The following DNAH1 variants were observed in gnomAD, a reference collection of about 807,000 sequenced individuals.
The protein encoded by DNAH1 is dynein axonemal heavy chain 1, also known as axonemal beta dynein heavy chain 1.
Under a neutral mutation model 484.3 loss-of-function variants are expected in DNAH1, and 327 were observed. The ratio of observed to expected loss-of-function variants is 0.68; its 90% CI spans 0.62 to 0.74. The LOEUF is 0.74. DNAH1 is among the 30% of genes least tolerant of loss of function. DNAH1 has a pLI of 0.00. For synonymous variants in DNAH1, 2,192 were observed against 2,191.9 expected (o/e 1.00, Z 0.00); for missense variants, 5,052 against 5,546.8 (o/e 0.91, Z 2.83).
In DNAH1 at chr3:52,399,091, G is replaced by C. The variant is rs1559579292; in HGVS notation, c.12331G>C (p.Val4111Leu). ...CTGGATCCAAGATGGCATCCCAGCTGTCTTCTGGATCAGTGGATTCTTCTT... is the reference window on the plus strand; with the variant it reads ...CTGGATCCAAGATGGCATCCCAGCTCTCTTCTGGATCAGTGGATTCTTCTT... The part of the protein sequence containing the change: ...QAWIQDGIPA[V>L]FWISGFFFPQ... Residue 4111 changes from valine to leucine, a missense_variant, in exon 76 of 78, where the codon GTC becomes CTC. Transcript: ENST00000420323. 3.1e-6 allele frequency: 5 copies of C among 1,614,092 alleles called. No homozygotes were observed. The highest frequency in any genetic ancestry group is 4.2e-6 in the Non-Finnish European group (5 of 1,179,908).
Position 52,356,788 on chromosome 3 carries a change from A to G in DNAH1, c.3858+10A>G, listed in dbSNP as rs930130674. ...CTACGAGAACCGGGAGGCAAGCTCA[A>G]TGAGGGTGGGAGGGGCAGCTGGGAT... On this transcript the variant is annotated intron_variant, in intron 22 of 77. Transcript: ENST00000420323. 1.0e-5 allele frequency: 16 copies of G among 1,592,110 alleles called. No individual in the cohort carries two copies. Among genetic ancestry groups the G allele is most frequent in the Admixed American group, 1.8e-5 (1 of 55,866 alleles).
At chr3:52,311,584 TGCCCTCCA>T (rs1412247482), upstream of DNAH1, among the ~76,000 whole-genome samples, 1 of 152,200 alleles carries the variant, frequency 6.6e-6, no homozygotes, top group African/African-American at 2.4e-5. Flanking sequence ...TTCTTTAACC[TGCCCTCCA>T]GCCCTCCTTT....
At chr3:52,328,085 T>TC (rs1049434124) in intron 6 of DNAH1, 71 bp downstream of exon 6, 2 of 1,575,536 alleles carry the variant, frequency 1.3e-6, no homozygotes, top group African/African-American at 2.7e-5. Context: ...ACTCCTGGGC[T>TC]CCCCTGGGAC....
intron 43 of DNAH1, 109 bp from the exon 44 acceptor site, chr3:52,372,787 T>C (rs1317910860): frequency 6.9e-7 from 1 of 1,453,546 alleles, no homozygotes; most frequent in Non-Finnish European, 9.2e-7. Context: ...TGGAGGAGGC[T>C]AAAATTTAGC....
rs556756265 is a variant in DNAH1, at chr3:52,374,118, A to G, written c.6985+1065A>G. ...AGAGATTTTCTTAAAACCACCCTTC[A>G]CAGAATCTATGGGAAATTCCTAGGC... On this transcript the variant is annotated intron_variant, in intron 44 of 77. Transcript: ENST00000420323. The G allele has an allele frequency of 2.3e-4, 264 of 1,162,536 alleles. No individual in the cohort carries two copies. The African/African-American group carries it at 3.8e-3, about 17-fold the overall frequency. The allele number at this position is 1,162,536 out of a possible 1,614,324, so 72.0% of individuals were successfully genotyped here.
Position 52,358,858 on chromosome 3 carries a change from G to A in DNAH1, c.4266+121G>A, listed in dbSNP as rs549664477. On this transcript the variant is annotated intron_variant, in intron 25 of 77. Transcript: ENST00000420323. This position sits in a 1 kb window ranked among gnomAD's most constrained non-coding sequence, Gnocchi z 4.2. ...CAGCCCTGAGGTCCCTGGGGGCTCA[G>A]GCGGGATTCTGGAGTCTTTCCTTTC... 9.8e-5 allele frequency: 119 copies of A among 1,212,894 alleles called. No individual in the cohort carries two copies. In the African/African-American group the frequency reaches 1.8e-3, roughly 18 times the overall value. 75.1% of individuals were successfully genotyped at this position (1,212,894 alleles called of 1,614,324 possible).
In DNAH1 at chr3:52,326,762, C is replaced by T. The variant is rs761158074; in HGVS notation, c.609C>T (p.Asp203=). ...ERRKQQYLSL[D]IEQLLFSQGI... ...GGAAACAGCAGTACCTGAGCCTGGA[C>T]ATTGAGCAGTTGCTGTTCAGCCAGG... The change falls in exon 5 of 78, where the codon GAC becomes GAT. Residue 203 remains aspartate (D), a synonymous_variant. Coordinates refer to ENST00000420323, the MANE Select transcript of DNAH1 (RefSeq NM_015512.5). The T allele has an allele frequency of 6.2e-7, 1 of 1,613,770 alleles. No homozygotes were observed. The highest frequency in any genetic ancestry group is 8.5e-7 in the Non-Finnish European group (1 of 1,179,742).
rs762737658 is a variant in DNAH1, at chr3:52,353,541, T to A, written c.3388T>A (p.Phe1130Ile). ...TGTCAGGCCCAAGGCCAACCTGACCTTTGCTCGCTGCCTGGAGATGAACCT... is the reference window on the plus strand; with the variant it reads ...TGTCAGGCCCAAGGCCAACCTGACCATTGCTCGCTGCCTGGAGATGAACCT... ...INVRPKANLT[F>I]ARCLEMNLQD... Residue 1130 changes from phenylalanine to isoleucine, a missense_variant, in exon 20 of 78, where the codon TTT becomes ATT. By Grantham distance (21) the Phe-to-Ile change is conservative. Transcript: ENST00000420323. The surrounding 1 kb of genome is among the most constrained non-coding windows in gnomAD (Gnocchi z 5.0). 4 of 1,613,782 alleles carry A rather than the reference T, an allele frequency of 2.5e-6. No homozygotes were observed. The highest frequency in any genetic ancestry group is 3.4e-6 in the Non-Finnish European group (4 of 1,179,852).
At position 52,398,177 on chromosome 3, in the gene DNAH1, A is replaced by G; in HGVS notation, c.12089+15A>G. On this transcript the variant is annotated intron_variant, in intron 75 of 77. Coordinates refer to ENST00000420323, the MANE Select transcript of DNAH1 (RefSeq NM_015512.5). ...GAGGTCATTAGGTAATCACCCCGCCATACCCCTGCCCCGAGTCAGCGGCCA... is the reference window on the plus strand; with the variant it reads ...GAGGTCATTAGGTAATCACCCCGCCGTACCCCTGCCCCGAGTCAGCGGCCA... The G allele has an allele frequency of 6.3e-7, 1 of 1,599,090 alleles. No homozygotes were observed. Among genetic ancestry groups the G allele is most frequent in the Middle Eastern group, 1.7e-4 (1 of 6,014 alleles).
intron 52 of DNAH1, 90 bp downstream of exon 52, chr3:52,384,121 C>T: frequency 5.3e-6 from 7 of 1,321,106 alleles, no homozygotes; most frequent in Non-Finnish European, 6.0e-6. Flanking sequence ...GTGAGATTCC[C>T]AGGCCCACCA....
upstream of DNAH1, among the ~76,000 whole-genome samples, chr3:52,315,986 C>A (rs1048709280): frequency 6.6e-6 from 1 of 152,144 alleles, no homozygotes; most frequent in African/African-American, 2.4e-5. Flanking sequence ...CGACCCCCAC[C>A]CCTCAAGTCC....
intron 10 of DNAH1, 116 bp from the exon 11 acceptor site, chr3:52,346,356 C>T: frequency 1.8e-6 from 2 of 1,110,148 alleles, no homozygotes; most frequent in South Asian, 1.6e-5. Context: ...GACATCCCTC[C>T]ACAGTCAGAT....
chr3:52,343,872 T>C (rs1298287202), intron 8 of DNAH1, among the ~76,000 whole-genome samples: 2 of 151,222 alleles, frequency 1.3e-5, no homozygotes, highest in African/African-American at 2.4e-5. Flanking sequence ...AGTGAGCGAG[T>C]GAGTGAGTGA....
At chr3:52,378,840 CCCA>C in intron 47 of DNAH1, 60 bp downstream of exon 47, 1 of 1,594,804 alleles carries the variant, frequency 6.3e-7, no homozygotes, top group Non-Finnish European at 8.6e-7. Context: ...CCTCCCCAGC[CCCA>C]CCAATTTCAG....
chr3:52,396,822 T>C, intron 72 of DNAH1, 25 bp downstream of exon 72: 1 of 1,612,256 alleles, frequency 6.2e-7, no homozygotes, highest in Non-Finnish European at 8.5e-7. Context: ...GACTGGGGCC[T>C]GGGGGACTGG....
intron 46 of DNAH1, among the ~76,000 whole-genome samples, chr3:52,376,628 G>A (rs1052683549): frequency 2.0e-5 from 3 of 152,014 alleles, no homozygotes; most frequent in Admixed American, 6.5e-5. Flanking sequence ...TGCTCCCTTC[G>A]CCACTGGGCC....
At position 52,364,837 on chromosome 3, in the gene DNAH1, T is replaced by C. The variant is rs1487965377; in HGVS notation, c.5336T>C (p.Leu1779Pro). 4 of 1,612,930 alleles carry C rather than the reference T, an allele frequency of 2.5e-6. No homozygotes were observed. The highest frequency in any genetic ancestry group is 4.5e-5 in the East Asian group (2 of 44,862). Residue 1779 changes from leucine to proline, a missense_variant, in exon 34 of 78, where the codon CTG becomes CCG. Leu to Pro is a moderately conservative substitution (Grantham distance 98). Transcript: ENST00000420323. The surrounding 1 kb of genome is among the most constrained non-coding windows in gnomAD (Gnocchi z 4.2). ...CTCAGCCGGCACCTGCTGCAGGAGC[T>C]GATCTGCCTCCGGGCCATCCGTGAT... The part of the protein sequence containing the change: ...KRENPSMNEE[L>P]ICLRAIRDVN...
chr3:52,372,508 T>C, intron 43 of DNAH1, 121 bp downstream of exon 43: 1 of 1,365,084 alleles, frequency 7.3e-7, no homozygotes, highest in South Asian at 1.4e-5. Context: ...CAGGGGGAGC[T>C]GACAGCCCCC....
At chr3:52,392,033 C>T (rs949759867) in intron 63 of DNAH1, among the ~76,000 whole-genome samples, 1 of 152,228 alleles carries the variant, frequency 6.6e-6, no homozygotes, top group African/African-American at 2.4e-5. Flanking sequence ...CTGTGGTTTT[C>T]GCTGGCCATC....
Sources: allele counts gnomAD v4.1 joint callset (sites outside exome capture counted in the v4.1 genomes callset), GRCh38; gene constraint gnomAD v4.1.1; non-coding constraint Gnocchi (gnomAD v3.1); transcripts MANE v1.5; gene names NCBI Gene and HGNC (gene_info 2026-07-23, HGNC 2026-07-21).